KYAT1: variants seen among roughly 807,000 people sequenced by gnomAD.
KYAT1 encodes the protein kynurenine aminotransferase 1.
KYAT1 carries 47 observed loss-of-function variants against 52.4 expected under a neutral mutation model. The ratio of observed to expected loss-of-function variants is 0.90; its 90% CI spans 0.71 to 1.14. The LOEUF (loss-of-function observed/expected upper bound fraction) is 1.14. KYAT1 is among the 50% of genes most tolerant of loss of function. The pLI, the probability that KYAT1 is intolerant of heterozygous loss-of-function variation, is 0.00. For missense variants in KYAT1, 480 were observed against 557.9 expected, an observed-to-expected ratio of 0.86 and a Z score of 1.41; for synonymous variants, 212 against 209.6, an observed-to-expected ratio of 1.01 and a Z score of -0.10.
At chr9:128,880,356 C>T (rs1253281977) in intron 1 of KYAT1, among the ~76,000 whole-genome samples, 1 of 152,158 alleles carries the variant, frequency 6.6e-6, no homozygotes, top group African/African-American at 2.4e-5. Context: ...ACAGAAAAAG[C>T]ATCTCAGTGG....
chr9:128,833,562 GGGCCAA>G lies in KYAT1; in HGVS notation c.*16_*21del, dbSNP rs1564440820. 3.1e-6 allele frequency: 5 copies of G among 1,612,382 alleles called. No homozygotes were observed. Among genetic ancestry groups the G allele is most frequent in the Non-Finnish European group, 4.2e-6 (5 of 1,178,404 alleles). On this transcript the variant is annotated 3_prime_UTR_variant, in exon 13 of 13. Coordinates refer to ENST00000302586, the MANE Select transcript of KYAT1 (RefSeq NM_004059.5). ...TCTCTGCGGGCATGTGGGGATGTCA[GGGCCAA>G]GGCGTGACTTCAGGGCTAGAGTTCC...
At chr9:128,864,091 G>A (rs1835842636) in intron 1 of KYAT1, among the ~76,000 whole-genome samples, 1 of 152,004 alleles carries the variant, frequency 6.6e-6, no homozygotes, top group African/African-American at 2.4e-5. Flanking sequence ...GGCCGGGCGC[G>A]GTGGCTCACA....
At chr9:128,865,340 TATATATATA>T (rs1564491700) in intron 1 of KYAT1, among the ~76,000 whole-genome samples, 35 of 2,214 alleles carry the variant, frequency 0.016, 3 homozygotes, top group Admixed American at 0.03. Flanking sequence ...TATATATATA[TATATATATA>T]TATATATATA....
intron 1 of KYAT1, among the ~76,000 whole-genome samples, chr9:128,879,318 A>T (rs903066600): frequency 6.6e-6 from 1 of 152,166 alleles, no homozygotes; most frequent in African/African-American, 2.4e-5. Context: ...TCAAAAAAAA[A>T]AAAAGGAATT....
chr9:128,867,590 T>C (rs539087156), intron 1 of KYAT1, among the ~76,000 whole-genome samples: 2 of 152,304 alleles, frequency 1.3e-5, no homozygotes, highest in South Asian at 4.1e-4. Context: ...CTGATATCCA[T>C]CAACCTGGGG....
chr9:128,875,760 C>T (rs964362305), intron 1 of KYAT1, among the ~76,000 whole-genome samples: 2 of 152,208 alleles, frequency 1.3e-5, no homozygotes, highest in Non-Finnish European at 2.9e-5. Flanking sequence ...AGCTCTCAGG[C>T]ATCTAAGATC....
At chr9:128,846,319 A>C (rs758857010) in intron 1 of KYAT1, among the ~76,000 whole-genome samples, 9 of 152,216 alleles carry the variant, frequency 5.9e-5, no homozygotes, top group Non-Finnish European at 1.3e-4. Context: ...TATCCCAGCT[A>C]CTTGGGAGGC....
intron 1 of KYAT1, among the ~76,000 whole-genome samples, chr9:128,879,357 A>G (rs113593576): frequency 0.056 from 8,452 of 151,318 alleles, 282 homozygotes; most frequent in African/African-American, 0.097. Flanking sequence ...GCCATCCAGG[A>G]GTGGGATGTG....
At chr9:128,840,701 C>G (rs899863668) in intron 3 of KYAT1, 1 of 428,170 alleles carries the variant, frequency 2.3e-6, no homozygotes, top group South Asian at 1.8e-5. Context: ...ATGAGTAAAC[C>G]TTACTGGAGG....
chr9:128,875,992 G>A (rs539673823), intron 1 of KYAT1, among the ~76,000 whole-genome samples: 1 of 152,126 alleles, frequency 6.6e-6, no homozygotes, highest in Non-Finnish European at 1.5e-5. Flanking sequence ...ACCCCCATTG[G>A]ACCAGCTCTG....
At chr9:128,850,132 C>A (rs1380722564) in intron 1 of KYAT1, among the ~76,000 whole-genome samples, 2 of 151,866 alleles carry the variant, frequency 1.3e-5, no homozygotes, top group African/African-American at 4.8e-5. Context: ...TTGTTCTGCT[C>A]ATGACGGCCT....
chr9:128,846,717 C>A (rs779559719), intron 1 of KYAT1: 10 of 1,535,184 alleles, frequency 6.5e-6, no homozygotes, highest in Non-Finnish European at 7.8e-6. Flanking sequence ...TTTGGCTCCT[C>A]CTGTCCTCAG....
intron 1 of KYAT1, among the ~76,000 whole-genome samples, chr9:128,881,584 G>A (rs1302863791): frequency 6.6e-6 from 1 of 152,078 alleles, no homozygotes; most frequent in African/African-American, 2.4e-5. Context: ...CAGAGTTGGA[G>A]TCTGGGGACC....
At chr9:128,869,689 C>T (rs150347514) in intron 1 of KYAT1, among the ~76,000 whole-genome samples, 46 of 152,182 alleles carry the variant, frequency 3.0e-4, no homozygotes, top group African/African-American at 1.1e-3. Context: ...CCGTTTCGGC[C>T]TTCCAAAGTG....
intron 1 of KYAT1, among the ~76,000 whole-genome samples, chr9:128,859,553 C>T (rs995563594): frequency 1.3e-5 from 2 of 151,910 alleles, no homozygotes; most frequent in African/African-American, 4.8e-5. Context: ...CTGTAATCTC[C>T]CAGCTACTCA....
chr9:128,866,837 C>T (rs1344990652), intron 1 of KYAT1, among the ~76,000 whole-genome samples: 1 of 143,924 alleles, frequency 6.9e-6, no homozygotes, highest in African/African-American at 2.6e-5. Flanking sequence ...GCCCAGGAGG[C>T]GGAGGTTGTG....
intron 1 of KYAT1, among the ~76,000 whole-genome samples, chr9:128,851,906 A>G (rs1834001108): frequency 6.6e-6 from 1 of 152,106 alleles, no homozygotes; most frequent in African/African-American, 2.4e-5. Context: ...TACAACCACA[A>G]TGGCCACCTC....
At chr9:128,835,901 C>T in intron 8 of KYAT1, 33 bp from the exon 9 acceptor site, 2 of 1,610,302 alleles carry the variant, frequency 1.2e-6, no homozygotes, top group East Asian at 4.5e-5. Context: ...GGGAGAGGTC[C>T]TTCCAGACCT....
chr9:128,882,466 G>T (rs973179445), upstream of KYAT1: 2 of 369,582 alleles, frequency 5.4e-6, no homozygotes, highest in African/African-American at 2.1e-5. Flanking sequence ...GCTCCGCGGC[G>T]CGCGAGCCCC....
Sources: allele counts gnomAD v4.1 joint callset (sites outside exome capture counted in the v4.1 genomes callset), GRCh38; gene constraint gnomAD v4.1.1; transcripts MANE v1.5; gene names NCBI Gene and HGNC (gene_info 2026-07-23, HGNC 2026-07-21).